Variants in CMSS1 observed in about 807,000 individuals in gnomAD.
CMSS1 encodes the protein protein CMSS1.
In CMSS1, 33 loss-of-function variants were observed where a neutral mutation model predicts 43.5. The observed-to-expected ratio is 0.76, with a 90% CI of 0.57 to 1.01. CMSS1 has a LOEUF of 1.01. CMSS1 is among the 50% of genes least tolerant of loss of function. CMSS1 has a pLI of 0.00. For missense variants in CMSS1, 313 were observed against 326.4 expected (o/e 0.96, Z 0.32); for synonymous variants, 115 against 117.2 (o/e 0.98, Z 0.12).
At chr3:99,841,826 A>G (rs962032300) in intron 1 of CMSS1, among the ~76,000 whole-genome samples, 66 of 152,186 alleles carry the variant, frequency 4.3e-4, no homozygotes, top group African/African-American at 1.5e-3. Flanking sequence ...CAAAAAAATT[A>G]AAAAATAATA....
chr3:100,089,226 A>G (rs1297222645), intron 1 of CMSS1, among the ~76,000 whole-genome samples: 6 of 152,198 alleles, frequency 3.9e-5, no homozygotes, highest in Admixed American at 6.5e-5. Context: ...ATATGTAGTA[A>G]TCTTATTGAT....
chr3:99,881,219 T>G (rs1458870207), intron 1 of CMSS1, among the ~76,000 whole-genome samples: 1 of 152,158 alleles, frequency 6.6e-6, no homozygotes, highest in African/African-American at 2.4e-5. Flanking sequence ...AATGAAGAAT[T>G]GGTAATGTGA....
intron 1 of CMSS1, among the ~76,000 whole-genome samples, chr3:99,921,656 T>G (rs1707127918): frequency 6.6e-6 from 1 of 152,220 alleles, no homozygotes; most frequent in African/African-American, 2.4e-5. Context: ...TCCTACTTCT[T>G]GTTAATGGCA....
intron 1 of CMSS1, among the ~76,000 whole-genome samples, chr3:100,065,878 G>C (rs1364486089): frequency 6.6e-6 from 1 of 152,194 alleles, no homozygotes; most frequent in Non-Finnish European, 1.5e-5. Flanking sequence ...GTAAGGTAGT[G>C]GTGCTCAAAA....
intron 1 of CMSS1, chr3:99,848,244 T>A: frequency 6.3e-7 from 1 of 1,595,404 alleles, no homozygotes; most frequent in Non-Finnish European, 8.6e-7. Context: ...TGCAAAAATA[T>A]CAGTATGGAC....
At chr3:99,936,623 C>T (rs543361896) in intron 1 of CMSS1, among the ~76,000 whole-genome samples, 4 of 149,380 alleles carry the variant, frequency 2.7e-5, no homozygotes, top group African/African-American at 5.0e-5. Context: ...CTGCCTGCCT[C>T]GGCCTCCCAA....
Position 100,171,689 on chromosome 3 carries a change from C to G in CMSS1, c.519-150C>G, listed in dbSNP as rs2067111191. The G allele has an allele frequency of 2.2e-5, 14 of 637,830 alleles. No homozygotes were observed. The South Asian group carries it at 2.9e-4, about 13-fold the overall frequency. The allele number at this position is 637,830 out of a possible 1,614,324, so 39.5% of individuals were successfully genotyped here. A position where few individuals can be genotyped will look rare whatever the true frequency, so the allele number is the denominator to read the frequency against. On this transcript the variant is annotated intron_variant, in intron 6 of 9. Transcript: ENST00000421999. ...ACTCTCATTGCAAAGATTGGCTAAC[C>G]TGCAAATCTCAGAATTTGTATGTAC...
intron 1 of CMSS1, chr3:99,930,007 A>G (rs1376769437): frequency 6.2e-7 from 1 of 1,613,528 alleles, no homozygotes; most frequent in African/African-American, 1.3e-5. Context: ...AGCCTTTAAA[A>G]TGCCTATGAC....
At position 100,149,754 on chromosome 3, in the gene CMSS1, A is replaced by G. The variant is rs555800597; in HGVS notation, c.153+2693A>G. On this transcript the variant is annotated intron_variant, in intron 2 of 9. Transcript: ENST00000421999. ...TCTGTGCGTCTCCACAGCGCCTGAC[A>G]TGGAACCTTGCCCTTAATTGGCACT... Among the ~76,000 whole-genome samples, 3 of 152,252 alleles carry G rather than the reference A, an allele frequency of 2.0e-5. No individual in the cohort carries two copies. In the South Asian group the frequency reaches 6.2e-4, roughly 32 times the overall value.
chr3:100,041,391 A>G (rs1189397111), intron 1 of CMSS1: 1 of 152,178 alleles, frequency 6.6e-6, no homozygotes, highest in Non-Finnish European at 1.5e-5. Context: ...TTTACCTTCC[A>G]CATGATTTAC....
chr3:99,941,694 A>C (rs1224028950), intron 1 of CMSS1, among the ~76,000 whole-genome samples: 1 of 152,258 alleles, frequency 6.6e-6, no homozygotes, highest in Non-Finnish European at 1.5e-5. Context: ...TTCTGTGGCC[A>C]GTGAAGCAGC....
intron 1 of CMSS1, among the ~76,000 whole-genome samples, chr3:100,074,261 G>C (rs570186336): frequency 6.6e-6 from 1 of 152,172 alleles, no homozygotes; most frequent in South Asian, 2.1e-4. Context: ...AGAGCTCTTC[G>C]CTGCTTTCCC....
intron 1 of CMSS1, among the ~76,000 whole-genome samples, chr3:99,828,045 C>A (rs1175475234): frequency 6.6e-6 from 1 of 152,220 alleles, no homozygotes; most frequent in Admixed American, 6.5e-5. Flanking sequence ...CTTCAACATA[C>A]AACGTATTTT....
intron 1 of CMSS1, among the ~76,000 whole-genome samples, chr3:99,920,736 T>C (rs1487821960): frequency 6.6e-6 from 1 of 152,102 alleles, no homozygotes; most frequent in East Asian, 1.9e-4. Flanking sequence ...CATTTTGGCC[T>C]GAGCTCAATG....
chr3:99,963,532 C>A (rs1259055522), intron 1 of CMSS1, among the ~76,000 whole-genome samples: 1 of 151,976 alleles, frequency 6.6e-6, no homozygotes, highest in Non-Finnish European at 1.5e-5. Flanking sequence ...GTTGATTGAG[C>A]GGGATATTTA....
At chr3:99,992,860 C>T (rs1376097580) in intron 1 of CMSS1, among the ~76,000 whole-genome samples, 1 of 151,824 alleles carries the variant, frequency 6.6e-6, no homozygotes, top group Non-Finnish European at 1.5e-5. Flanking sequence ...GAAGTATGAA[C>T]CCAGTTTCAT....
intron 1 of CMSS1, among the ~76,000 whole-genome samples, chr3:100,113,811 A>T (rs2066529616): frequency 6.6e-6 from 1 of 152,164 alleles, no homozygotes; most frequent in African/African-American, 2.4e-5. Flanking sequence ...GTTTTCTTTC[A>T]TGTGTATCAC....
At chr3:100,159,450 A>G (rs1252749220) in intron 2 of CMSS1, among the ~76,000 whole-genome samples, 2 of 152,238 alleles carry the variant, frequency 1.3e-5, no homozygotes, top group East Asian at 3.8e-4. Context: ...AGAAAGATTC[A>G]TCTGTAATCA....
chr3:99,855,388 A>G (rs793444), intron 1 of CMSS1, among the ~76,000 whole-genome samples: 5,334 of 152,282 alleles, frequency 0.035, 136 homozygotes, highest in Non-Finnish European at 0.049. Context: ...TAAAATATAT[A>G]TATAATAGCT....
Sources: allele counts gnomAD v4.1 joint callset (sites outside exome capture counted in the v4.1 genomes callset), GRCh38; gene constraint gnomAD v4.1.1; transcripts MANE v1.5; gene names NCBI Gene and HGNC (gene_info 2026-07-23, HGNC 2026-07-21).